The following NUP205 variants were observed in gnomAD, a reference collection of about 807,000 sequenced individuals.
The protein encoded by NUP205 is nucleoporin 205.
NUP205 carries 76 observed loss-of-function variants against 253.8 expected under a neutral mutation model. The ratio of observed to expected loss-of-function variants is 0.30; its 90% CI spans 0.25 to 0.36. The LOEUF is 0.36. NUP205 is among the 10% of genes least tolerant of loss of function. The probability of loss-of-function intolerance (pLI) is 1.00; values close to 1 mark genes in which losing one functional copy is unlikely to be tolerated. For missense variants in NUP205, 2,162 were observed against 2,425.5 expected (o/e 0.89, Z 2.28); for synonymous variants, 832 against 850.1 (o/e 0.98, Z 0.37).
intron 13 of NUP205, among the ~76,000 whole-genome samples, chr7:135,596,467 C>T (rs1486838873): frequency 6.6e-6 from 1 of 152,090 alleles, no homozygotes; most frequent in East Asian, 1.9e-4. Flanking sequence ...TGGGTTTAGC[C>T]ATTTGTATCC....
chr7:135,606,898 C>T lies in NUP205; in HGVS notation c.3053C>T (p.Thr1018Ile), dbSNP rs998392874. Residue 1018 changes from threonine to isoleucine, a missense_variant, in exon 21 of 43, where the codon ACA (threonine) becomes ATA (isoleucine). By Grantham distance (89) the Thr-to-Ile change is moderately conservative. Coordinates refer to ENST00000285968, the MANE Select transcript of NUP205 (RefSeq NM_015135.3). ...GFELKKPVST[T>I]NLQDPGVLGC... ...GAATTGAAAAAACCTGTCAGTACTA[C>T]AAACCTACAAGATCCAGGTATAGCC... 1.2e-6 allele frequency: 2 copies of T among 1,613,968 alleles called. No homozygotes were observed. Among genetic ancestry groups the T allele is most frequent in the Non-Finnish European group, 1.7e-6 (2 of 1,179,902 alleles).
At chr7:135,604,628 G>A (rs1325460526) in intron 19 of NUP205, among the ~76,000 whole-genome samples, 168 bp downstream of exon 19, 2 of 152,202 alleles carry the variant, frequency 1.3e-5, no homozygotes, top group Non-Finnish European at 2.9e-5. Flanking sequence ...ACTTGGCTAT[G>A]ACTTATCTTT....
At chr7:135,617,338 C>T (rs763459939) in intron 26 of NUP205, 91 bp downstream of exon 26, 1 of 1,237,518 alleles carries the variant, frequency 8.1e-7, no homozygotes, top group Non-Finnish European at 1.1e-6. Flanking sequence ...GGTTTTCTTT[C>T]TGATAGAGAC....
rs748534972 is a variant in NUP205, at chr7:135,617,194, A to G, written c.3637A>G (p.Ile1213Val). Reference sequence around the variant, plus strand: ...TGATCGGGCCCAGATTGAACAAGTTATTGCTAACTGTGAACACAAGAATTT... The same window carrying G: ...TGATCGGGCCCAGATTGAACAAGTTGTTGCTAACTGTGAACACAAGAATTT... ...FFDRAQIEQV[I>V]ANCEHKNLRG... Residue 1213 changes from isoleucine (I) to valine (V), a missense_variant, in exon 26 of 43, where the codon ATT (isoleucine) becomes GTT (valine). By Grantham distance (29) the Ile-to-Val change is conservative (BLOSUM62 3). Transcript: ENST00000285968. The G allele has an allele frequency of 6.2e-7, 1 of 1,613,946 alleles. No individual in the cohort carries two copies. The highest frequency in any genetic ancestry group is 8.5e-7 in the Non-Finnish European group (1 of 1,179,884).
At chr7:135,560,009 C>T (rs1161636841) in intron 1 of NUP205, among the ~76,000 whole-genome samples, 1 of 152,160 alleles carries the variant, frequency 6.6e-6, no homozygotes, top group Non-Finnish European at 1.5e-5. Context: ...CAGGCGCCCG[C>T]CACTACACCC....
intron 36 of NUP205, among the ~76,000 whole-genome samples, chr7:135,636,823 T>C (rs1794819555): frequency 1.3e-5 from 2 of 152,066 alleles, no homozygotes; most frequent in African/African-American, 4.8e-5. Flanking sequence ...CTGGGGAACA[T>C]GGCTAAACTC....
At chr7:135,576,510 A>G in intron 4 of NUP205, 96 bp downstream of exon 4, 1 of 1,035,112 alleles carries the variant, frequency 9.7e-7, no homozygotes, top group Non-Finnish European at 1.4e-6. Flanking sequence ...AATATGTAAC[A>G]TAAGCTGAGT....
At chr7:135,563,467 C>T (rs779493023) in intron 1 of NUP205, among the ~76,000 whole-genome samples, 3 of 152,014 alleles carry the variant, frequency 2.0e-5, no homozygotes, top group East Asian at 1.9e-4. Context: ...GGATTACAGG[C>T]GTGAGCCACT....
At chr7:135,575,301 G>C (rs185746565) in intron 3 of NUP205, among the ~76,000 whole-genome samples, 13 of 152,282 alleles carry the variant, frequency 8.5e-5, no homozygotes, top group African/African-American at 3.1e-4. Flanking sequence ...TGCAAAATGA[G>C]TAAGCATACA....
intron 38 of NUP205, among the ~76,000 whole-genome samples, chr7:135,641,706 A>AGGTGGATCACCTGAGCCCAGGAGGTTGG (rs1794918199): frequency 3.3e-5 from 5 of 151,686 alleles, no homozygotes. Flanking sequence ...CAGGAGGTTG[A>AGGTGGATCACCTGAGCCCAGGAGGTTGG]GGTGGATCAC....
At position 135,591,463 on chromosome 7, in the gene NUP205, A is replaced by C; in HGVS notation, c.1487A>C (p.Lys496Thr). 1 of 1,613,964 alleles carries C rather than the reference A, an allele frequency of 6.2e-7. No homozygotes were observed. The highest frequency in any genetic ancestry group is 8.5e-7 in the Non-Finnish European group (1 of 1,179,914). The change falls in exon 11 of 43, where the codon AAG becomes ACG. Residue 496 changes from lysine to threonine, a missense_variant. Physicochemically the swap from Lys to Thr is moderately conservative, Grantham distance 78 (BLOSUM62 -1). Around this residue, in one of 5 missense-constraint regions of NUP205, gnomAD observed 892 missense variants for 957.1 expected, o/e 0.93. Coordinates refer to ENST00000285968, the MANE Select transcript of NUP205 (RefSeq NM_015135.3). ...TCTCTTTTTCAGGTTGTCTTGTCAAAGTTTGTTAGGCAAATGGGTGACCTG... is the reference window on the plus strand; with the variant it reads ...TCTCTTTTTCAGGTTGTCTTGTCAACGTTTGTTAGGCAAATGGGTGACCTG... The part of the protein sequence containing the change: ...RPPQRQVVLS[K>T]FVRQMGDLLP...
At chr7:135,570,645 G>T (rs557436732) in intron 1 of NUP205, among the ~76,000 whole-genome samples, 1 of 125,710 alleles carries the variant, frequency 8.0e-6, no homozygotes, top group Non-Finnish European at 1.6e-5. Context: ...TATATAATTA[G>T]CAATCATTTA....
intron 3 of NUP205, among the ~76,000 whole-genome samples, 174 bp downstream of exon 3, chr7:135,573,999 G>C (rs1186341065): frequency 6.6e-6 from 1 of 151,830 alleles, no homozygotes; most frequent in Non-Finnish European, 1.5e-5. Context: ...TTGAGACAGA[G>C]TCTCGCTCTG....
At chr7:135,596,971 AAAAT>A (rs1793854621) in intron 13 of NUP205, among the ~76,000 whole-genome samples, 1 of 151,856 alleles carries the variant, frequency 6.6e-6, no homozygotes, top group South Asian at 2.1e-4. Context: ...AAAAAAAAAA[AAAAT>A]TGAAAAAAAG....
intron 10 of NUP205, among the ~76,000 whole-genome samples, chr7:135,589,133 G>A (rs1284419553): frequency 6.7e-6 from 1 of 149,948 alleles, no homozygotes; most frequent in South Asian, 2.1e-4. Context: ...TTACGCCACT[G>A]CACTCCAGCC....
chr7:135,570,909 ATATAT>A (rs1382468096), intron 1 of NUP205, among the ~76,000 whole-genome samples, 191 bp from the exon 2 acceptor site: 1 of 126,530 alleles, frequency 7.9e-6, no homozygotes, highest in African/African-American at 3.0e-5. Flanking sequence ...TTTATATATA[ATATAT>A]TAATATAATA....
chr7:135,590,155 A>C (rs1395788156), intron 10 of NUP205, among the ~76,000 whole-genome samples: 1 of 151,118 alleles, frequency 6.6e-6, no homozygotes. Context: ...TTTGTCACCC[A>C]AGTTGGAGTG....
chr7:135,594,987 G>A (rs1793791964), intron 13 of NUP205, among the ~76,000 whole-genome samples: 1 of 152,024 alleles, frequency 6.6e-6, no homozygotes, highest in South Asian at 2.1e-4. Flanking sequence ...ATTTTTCGAT[G>A]TCTATTAAGA....
intron 12 of NUP205, 60 bp from the exon 13 acceptor site, chr7:135,594,487 C>G: frequency 7.6e-7 from 1 of 1,310,126 alleles, no homozygotes; most frequent in South Asian, 1.4e-5. Context: ...TAGATGATTG[C>G]TGGTCATTTT....
Sources: allele counts gnomAD v4.1 joint callset (sites outside exome capture counted in the v4.1 genomes callset), GRCh38; gene constraint gnomAD v4.1.1; regional missense constraint gnomAD v4.1.1; transcripts MANE v1.5; gene names NCBI Gene and HGNC (gene_info 2026-07-23, HGNC 2026-07-21).